The following BIRC6 variants were observed in gnomAD, a reference collection of about 807,000 sequenced individuals.
BIRC6 encodes the protein dual E2 ubiquitin-conjugating enzyme/E3 ubiquitin-protein ligase BIRC6.
In BIRC6, 98 loss-of-function variants were observed where a neutral mutation model predicts 503.3. That is an observed-to-expected ratio of 0.19 (90% CI 0.17 to 0.23). BIRC6 has a LOEUF of 0.23. Ranked by LOEUF, BIRC6 falls within the 10% of genes least tolerant of loss-of-function variation. BIRC6 has a pLI of 1.00. For missense variants in BIRC6, 5,360 were observed against 5,806.0 expected, an observed-to-expected ratio of 0.92 and a Z score of 2.50; for synonymous variants, 2,240 against 2,078.7, an observed-to-expected ratio of 1.08 and a Z score of -2.11.
At chr2:32,358,359 C>G (rs575889111) in intron 1 of BIRC6, among the ~76,000 whole-genome samples, 93 of 152,264 alleles carry the variant, frequency 6.1e-4, no homozygotes, top group African/African-American at 2.0e-3. Context: ...AACCTTGGTC[C>G]AGGGACGGGA....
chr2:32,480,069 T>C (rs1430897938), intron 37 of BIRC6, among the ~76,000 whole-genome samples: 3 of 152,222 alleles, frequency 2.0e-5, no homozygotes, highest in African/African-American at 7.2e-5. Flanking sequence ...CTGTTTTGGG[T>C]ACTAATCTGT....
intron 40 of BIRC6, 60 bp downstream of exon 40, chr2:32,485,819 C>A: frequency 1.8e-6 from 2 of 1,124,204 alleles, no homozygotes; most frequent in Non-Finnish European, 2.6e-6. Context: ...TCATCATTTT[C>A]AGGTGGATTC....
intron 52 of BIRC6, 123 bp downstream of exon 52, chr2:32,510,117 C>T: frequency 8.8e-7 from 1 of 1,136,892 alleles, no homozygotes; most frequent in Non-Finnish European, 1.2e-6. Context: ...ATGTTTATCT[C>T]TCCTCTCTTC....
chr2:32,580,370 T>C (rs1164668568), intron 66 of BIRC6, among the ~76,000 whole-genome samples: 1 of 152,028 alleles, frequency 6.6e-6, no homozygotes, highest in Admixed American at 6.6e-5. Context: ...TAACCAAGAA[T>C]AGAGTACAAA....
In BIRC6 at chr2:32,525,535, A is replaced by G. The variant is rs1187507748; in HGVS notation, c.11827A>G (p.Ile3943Val). Residue 3943 changes from isoleucine (I) to valine (V), a missense_variant, in exon 59 of 74, where the codon ATA becomes GTA. Transcript: ENST00000421745. The part of the protein sequence containing the change: ...PRPPSRRGRT[I>V]PDKIGSTSGA... Reference sequence around the variant, plus strand: ...CCCACCATCCAGGAGGGGGAGGACAATACCTGATAAAATAGGAAGTACTTC... The same window carrying G: ...CCCACCATCCAGGAGGGGGAGGACAGTACCTGATAAAATAGGAAGTACTTC... 3.1e-6 allele frequency: 5 copies of G among 1,614,002 alleles called. No individual in the cohort carries two copies. Among genetic ancestry groups the G allele is most frequent in the Non-Finnish European group, 4.2e-6 (5 of 1,179,872 alleles).
intron 57 of BIRC6, chr2:32,522,243 C>G (rs2055806058): frequency 6.6e-6 from 1 of 151,930 alleles, no homozygotes; most frequent in African/African-American, 2.4e-5. Context: ...ATTGTATGTT[C>G]TCGCTTCTTT....
chr2:32,520,807 ACT>A (rs1267050119), intron 57 of BIRC6, among the ~76,000 whole-genome samples: 1 of 152,158 alleles, frequency 6.6e-6, no homozygotes, highest in Non-Finnish European at 1.5e-5. Context: ...ACAGAGCGAG[ACT>A]CTCTCAAAAC....
Position 32,420,614 on chromosome 2 carries a change from A to G in BIRC6, c.2872+4451A>G, listed in dbSNP as rs143747397. Among the ~76,000 whole-genome samples the G allele has an allele frequency of 2.2e-3, 337 of 152,218 alleles. 1 individual carries two copies. The highest frequency in any genetic ancestry group is 7.5e-3 in the African/African-American group (313 of 41,522). ...CTGCAACCTCTGCCTCCTGGGTTCA[A>G]GTGATTCTGTCACCTCAGCCTCCCG... On this transcript the variant is annotated intron_variant, in intron 10 of 73. Coordinates refer to ENST00000421745, the MANE Select transcript of BIRC6 (RefSeq NM_016252.4).
chr2:32,546,604 A>C (rs2058068251), intron 63 of BIRC6, among the ~76,000 whole-genome samples: 1 of 152,054 alleles, frequency 6.6e-6, no homozygotes, highest in South Asian at 2.1e-4. Flanking sequence ...AAAATACCAA[A>C]ATAATTAATG....
chr2:32,575,956 G>C (rs2060240598), intron 66 of BIRC6, among the ~76,000 whole-genome samples: 1 of 152,280 alleles, frequency 6.6e-6, no homozygotes, highest in South Asian at 2.1e-4. Flanking sequence ...GTACCTGTTA[G>C]ACAAATAGAT....
At chr2:32,480,087 A>G (rs757366471) in intron 37 of BIRC6, among the ~76,000 whole-genome samples, 2 of 152,024 alleles carry the variant, frequency 1.3e-5, no homozygotes, top group Non-Finnish European at 2.9e-5. Context: ...TGTATATGTC[A>G]GATGCTGCAG....
intron 73 of BIRC6, among the ~76,000 whole-genome samples, chr2:32,613,373 T>C (rs1045976228): frequency 6.6e-6 from 1 of 150,960 alleles, no homozygotes; most frequent in African/African-American, 2.4e-5. Flanking sequence ...TTATTTTCAT[T>C]ATTTATTTTA....
chr2:32,366,472 C>A (rs2034947799), intron 1 of BIRC6, among the ~76,000 whole-genome samples: 1 of 152,082 alleles, frequency 6.6e-6, no homozygotes, highest in Non-Finnish European at 1.5e-5. Context: ...TATTTTTAAA[C>A]TGAAAATCTC....
intron 8 of BIRC6, among the ~76,000 whole-genome samples, chr2:32,404,984 T>C (rs973430761): frequency 7.9e-5 from 12 of 152,138 alleles, no homozygotes; most frequent in Admixed American, 1.3e-4. Flanking sequence ...TTTGAGAACT[T>C]TCAGAATAAA....
chr2:32,459,169 A>C (rs1337152105), intron 23 of BIRC6, among the ~76,000 whole-genome samples: 1 of 152,164 alleles, frequency 6.6e-6, no homozygotes, highest in Non-Finnish European at 1.5e-5. Flanking sequence ...CTACAGGAAG[A>C]AACTCTTCAT....
chr2:32,553,711 T>C (rs758287052), intron 65 of BIRC6, among the ~76,000 whole-genome samples: 7 of 151,724 alleles, frequency 4.6e-5, no homozygotes, highest in African/African-American at 1.7e-4. Flanking sequence ...ATGGAGACTT[T>C]AAAAAAAAGC....
intron 60 of BIRC6, among the ~76,000 whole-genome samples, chr2:32,530,673 A>T (rs1360518242): frequency 6.6e-6 from 1 of 152,150 alleles, no homozygotes; most frequent in Non-Finnish European, 1.5e-5. Flanking sequence ...TGTGAGTATG[A>T]TATGAACTTA....
At chr2:32,390,714 A>G (rs1384058378) in intron 4 of BIRC6, among the ~76,000 whole-genome samples, 1 of 152,236 alleles carries the variant, frequency 6.6e-6, no homozygotes, top group Non-Finnish European at 1.5e-5. Context: ...GATGTTATCA[A>G]AGGCACTACT....
intron 66 of BIRC6, among the ~76,000 whole-genome samples, chr2:32,580,247 T>C (rs965944791): frequency 9.2e-5 from 14 of 152,156 alleles, no homozygotes; most frequent in African/African-American, 3.4e-4. Flanking sequence ...TGTGAGCCAC[T>C]GCGCTGGGCC....
Sources: gnomAD v4.1 joint callset for allele counts (sites outside exome capture counted in the v4.1 genomes callset) on GRCh38, gnomAD v4.1.1 for gene constraint, MANE v1.5 for transcripts, NCBI Gene and HGNC (gene_info 2026-07-23, HGNC 2026-07-21) for gene names.